The following RALB variants were observed in gnomAD, a reference collection of about 807,000 sequenced individuals.
RALB encodes the protein ras-related protein Ral-B.
Under a neutral mutation model 21.3 loss-of-function variants are expected in RALB, and 16 were observed. The observed-to-expected ratio is 0.75, with a 90% CI of 0.51 to 1.14. The LOEUF is 1.14. Ranked by LOEUF, RALB falls within the 50% of genes most tolerant of loss-of-function variation. The pLI, the probability that RALB is intolerant of heterozygous loss-of-function variation, is 0.00. For synonymous variants in RALB, 93 were observed against 96.1 expected, an observed-to-expected ratio of 0.97 and a Z score of 0.19; for missense variants, 161 against 256.2, an observed-to-expected ratio of 0.63 and a Z score of 2.54.
At chr2:120,254,914 C>T (rs901969101) in intron 1 of RALB, among the ~76,000 whole-genome samples, 5 of 152,152 alleles carry the variant, frequency 3.3e-5, no homozygotes, top group African/African-American at 1.2e-4. Context: ...GGGCTCAAGC[C>T]ATCCTACCAC....
chr2:120,287,771 G>A (rs1326657581), intron 3 of RALB, among the ~76,000 whole-genome samples: 2 of 152,234 alleles, frequency 1.3e-5, no homozygotes, highest in African/African-American at 4.8e-5. Context: ...TGGAAAGAGA[G>A]ATCCTTAGAA....
chr2:120,289,069 G>C (rs1051907011), intron 3 of RALB, among the ~76,000 whole-genome samples: 1 of 152,028 alleles, frequency 6.6e-6, no homozygotes, highest in African/African-American at 2.4e-5. Flanking sequence ...TGCTGGTTGC[G>C]ACCCACTAGA....
At chr2:120,278,031 G>T (rs1314009401) in intron 1 of RALB, among the ~76,000 whole-genome samples, 9 of 78,448 alleles carry the variant, frequency 1.1e-4, no homozygotes, top group Non-Finnish European at 2.5e-4. Flanking sequence ...ATGTGAATGT[G>T]AGAGCGTGAG....
At position 120,252,979 on chromosome 2, in the gene RALB, T is replaced by A. The variant is rs1689093352; in HGVS notation, c.-49T>A. On this transcript the variant is annotated splice_region_variant and 5_prime_UTR_variant, in exon 1 of 5. Transcript: ENST00000272519. Reference sequence around the variant, plus strand: ...CGGCGGAGGCGGCGGGACTGGTCCCTGGTAAGGGCGCGGCGCCCGCGGGCC... The same window carrying A: ...CGGCGGAGGCGGCGGGACTGGTCCCAGGTAAGGGCGCGGCGCCCGCGGGCC... 2.0e-6 allele frequency: 2 copies of A among 983,698 alleles called. No individual in the cohort carries two copies. Among genetic ancestry groups the A allele is most frequent in the Non-Finnish European group, 2.4e-6 (2 of 829,528 alleles). The allele number at this position is 983,698 out of a possible 1,614,324, so 60.9% of individuals were successfully genotyped here. A position where few individuals can be genotyped will look rare whatever the true frequency, so the allele number is the denominator to read the frequency against.
intron 3 of RALB, among the ~76,000 whole-genome samples, chr2:120,287,872 G>A (rs1265676040): frequency 6.6e-6 from 1 of 152,208 alleles, no homozygotes; most frequent in Non-Finnish European, 1.5e-5. Flanking sequence ...GAAGAATGCA[G>A]GTCAATTATC....
chr2:120,262,362 C>T (rs1689387334), intron 1 of RALB, among the ~76,000 whole-genome samples: 1 of 152,088 alleles, frequency 6.6e-6, no homozygotes, highest in South Asian at 2.1e-4. Context: ...CCAGGGCACA[C>T]CCAGGTCTCA....
At chr2:120,246,893 G>GGGGA (rs1289463106) in intron 1 of RALB, among the ~76,000 whole-genome samples, 236 of 152,302 alleles carry the variant, frequency 1.5e-3, no homozygotes, top group African/African-American at 5.6e-3. Context: ...CAGCTTAGCT[G>GGGGA]GGGAGGGAGG....
intron 1 of RALB, among the ~76,000 whole-genome samples, chr2:120,244,004 A>G (rs778741296): frequency 1.3e-5 from 2 of 152,194 alleles, no homozygotes; most frequent in Non-Finnish European, 2.9e-5. Flanking sequence ...TACAGGAACT[A>G]TGGCTGGGGA....
intron 1 of RALB, among the ~76,000 whole-genome samples, chr2:120,247,163 G>A (rs142423849): frequency 0.011 from 1,707 of 152,292 alleles, 33 homozygotes; most frequent in African/African-American, 0.039. Flanking sequence ...AAGAGGGAAG[G>A]GGGAGGACAC....
At position 120,252,969 on chromosome 2, in the gene RALB, G is replaced by T; in HGVS notation, c.-59G>T. ...CGGGTGCGGACGGCGGAGGCGGCGG[G>T]ACTGGTCCCTGGTAAGGGCGCGGCG... On this transcript the variant is annotated 5_prime_UTR_variant, in exon 1 of 5. Transcript: ENST00000272519. The T allele has an allele frequency of 1.0e-6, 1 of 985,284 alleles. No individual in the cohort carries two copies. Among genetic ancestry groups the T allele is most frequent in the South Asian group, 4.7e-5 (1 of 21,336 alleles). 61.0% of individuals were successfully genotyped at this position (985,284 alleles called of 1,614,324 possible).
chr2:120,248,328 G>A (rs1451159078), upstream of RALB, among the ~76,000 whole-genome samples: 3 of 152,104 alleles, frequency 2.0e-5, no homozygotes, highest in Admixed American at 1.3e-4. Flanking sequence ...CTCCACTGCT[G>A]GCTGATGTTC....
chr2:120,272,328 G>T lies in RALB; in HGVS notation c.-47-6290G>T, dbSNP rs559433904. Among the ~76,000 whole-genome samples the T allele has an allele frequency of 1.1e-4, 16 of 152,320 alleles. No individual in the cohort carries two copies. In the East Asian group the frequency reaches 2.9e-3, roughly 28 times the overall value. On this transcript the variant is annotated intron_variant, in intron 1 of 4. Coordinates refer to ENST00000272519, the MANE Select transcript of RALB (RefSeq NM_002881.3). ...AGTTCTGAAATTGTTAGTGAATTCAGTGGGGGAAGTCTAATTGCTTTGGGG... is the reference window on the plus strand; with the variant it reads ...AGTTCTGAAATTGTTAGTGAATTCATTGGGGGAAGTCTAATTGCTTTGGGG...
chr2:120,244,314 G>A (rs563944768), intron 1 of RALB, among the ~76,000 whole-genome samples: 3 of 152,320 alleles, frequency 2.0e-5, no homozygotes, highest in East Asian at 3.9e-4. Flanking sequence ...GGCCCAGCCC[G>A]TCCCGGCTCT....
intron 1 of RALB, 61 bp from the exon 2 acceptor site, chr2:120,278,557 A>G: frequency 1.5e-6 from 2 of 1,335,550 alleles, no homozygotes; most frequent in Admixed American, 6.8e-5. Context: ...TGTGAATGAC[A>G]TTTGGTTTTA....
chr2:120,290,180 G>A (rs1690275017), intron 4 of RALB, among the ~76,000 whole-genome samples: 1 of 152,094 alleles, frequency 6.6e-6, no homozygotes, highest in African/African-American at 2.4e-5. Context: ...GTGGAGATGG[G>A]GTTTCACCAT....
chr2:120,289,785 G>A (rs779768854), intron 4 of RALB, 28 bp downstream of exon 4: 2 of 1,559,892 alleles, frequency 1.3e-6, no homozygotes, highest in Non-Finnish European at 1.7e-6. Context: ...GTATTTCTCA[G>A]AAACAGACCT....
intron 2 of RALB, among the ~76,000 whole-genome samples, chr2:120,285,130 A>G (rs1690098244): frequency 6.6e-6 from 1 of 152,100 alleles, no homozygotes; most frequent in Non-Finnish European, 1.5e-5. Flanking sequence ...GAAACTTACA[A>G]TCATGGCAGA....
chr2:120,240,519 C>T (rs530839933), intron 1 of RALB, among the ~76,000 whole-genome samples: 20 of 152,142 alleles, frequency 1.3e-4, no homozygotes, highest in East Asian at 3.9e-4. Flanking sequence ...AGGCTGGTCT[C>T]GAACTCCTGG....
At chr2:120,283,678 C>T (rs1022364782) in intron 2 of RALB, among the ~76,000 whole-genome samples, 7 of 152,154 alleles carry the variant, frequency 4.6e-5, no homozygotes, top group Non-Finnish European at 8.8e-5. Context: ...TGGCAGCAAC[C>T]GTTTCAGACT....
Sources: gnomAD v4.1 joint callset for allele counts (sites outside exome capture counted in the v4.1 genomes callset) on GRCh38, gnomAD v4.1.1 for gene constraint, MANE v1.5 for transcripts, NCBI Gene and HGNC (gene_info 2026-07-23, HGNC 2026-07-21) for gene names.